LINGO2: variants seen among roughly 807,000 people sequenced by gnomAD.
LINGO2 encodes leucine-rich repeat and immunoglobulin-like domain-containing nogo receptor-interacting protein 2.
LINGO2 carries 14 observed loss-of-function variants against 30.6 expected under a neutral mutation model. That is an observed-to-expected ratio of 0.46 (90% CI 0.30 to 0.72). LINGO2 has a LOEUF of 0.72. LINGO2 is among the 30% of genes least tolerant of loss of function. The pLI is 0.07. For synonymous variants in LINGO2, 317 were observed against 288.5 expected (o/e 1.10, Z -1.00); for missense variants, 729 against 751.7 (o/e 0.97, Z 0.35).
At chr9:28,168,152 G>A (rs929039454) in intron 4 of LINGO2, among the ~76,000 whole-genome samples, 4 of 152,208 alleles carry the variant, frequency 2.6e-5, no homozygotes, top group African/African-American at 9.6e-5. Flanking sequence ...TTTGAGCAGG[G>A]AGTGTGGTGA....
At chr9:28,727,328 C>T in the LINGO2 span, among the ~76,000 whole-genome samples, 1 of 151,958 alleles carries the variant, frequency 6.6e-6, no homozygotes, top group East Asian at 1.9e-4. Flanking sequence ...CTCTGTCTCC[C>T]AGGCTGGAAT....
the LINGO2 span, among the ~76,000 whole-genome samples, chr9:28,920,355 C>T: frequency 1.3e-5 from 2 of 151,830 alleles, no homozygotes; most frequent in Non-Finnish European, 2.9e-5. Flanking sequence ...ATTAATATAA[C>T]TGGATTTCCT....
At position 27,958,925 on chromosome 9, in the gene LINGO2, TTC is replaced by T. The variant is rs1414641700; in HGVS notation, c.-35-8221_-35-8220del. On this transcript the variant is annotated intron_variant, in intron 5 of 5. Transcript: ENST00000379992. ...TGCGAATCCAAACAGACCCTAGAATTTCTGTGTTTGAATGCTGTAAAATACAA... is the reference window on the plus strand; with the variant it reads ...TGCGAATCCAAACAGACCCTAGAATTTGTGTTTGAATGCTGTAAAATACAA... Among the ~76,000 whole-genome samples, 22 of 152,290 alleles carry T rather than the reference TTC, an allele frequency of 1.4e-4. 1 individual carries two copies. The South Asian group carries it at 4.6e-3, about 32-fold the overall frequency.
At chr9:28,101,124 C>A (rs980553611) in intron 4 of LINGO2, among the ~76,000 whole-genome samples, 3 of 151,684 alleles carry the variant, frequency 2.0e-5, no homozygotes, top group Non-Finnish European at 2.9e-5. Flanking sequence ...TTATGGGAGG[C>A]ATTGTGAAAC....
At chr9:28,690,634 T>C in the LINGO2 span, among the ~76,000 whole-genome samples, 1 of 152,246 alleles carries the variant, frequency 6.6e-6, no homozygotes, top group South Asian at 2.1e-4. Flanking sequence ...ATCAAAACAA[T>C]AAAACACATG....
chr9:27,939,393 G>GC, the LINGO2 span: 1 of 152,198 alleles, frequency 6.6e-6, no homozygotes, highest in Non-Finnish European at 1.5e-5. Flanking sequence ...GTTAAAGCCA[G>GC]CAACTTTCTT....
chr9:28,264,973 G>A (rs1033270675), intron 4 of LINGO2, among the ~76,000 whole-genome samples: 3 of 151,840 alleles, frequency 2.0e-5, no homozygotes, highest in Non-Finnish European at 4.4e-5. Flanking sequence ...CCTCAAGGCT[G>A]CAGCATCAAC....
intron 1 of LINGO2, among the ~76,000 whole-genome samples, chr9:28,617,367 A>G (rs530273170): frequency 6.6e-6 from 1 of 150,656 alleles, no homozygotes; most frequent in Non-Finnish European, 1.5e-5. Context: ...GCGATCTCGG[A>G]TCACTGCAAC....
rs575900057 is a variant in LINGO2, at chr9:28,329,287, G to A, written c.-245-33921C>T. Reference sequence around the variant, plus strand: ...TCTCTCCATTTCTAGTCATAATTCTGTCCCATGGCACAAAGCAGAGCTTCT... The same window carrying A: ...TCTCTCCATTTCTAGTCATAATTCTATCCCATGGCACAAAGCAGAGCTTCT... On this transcript the variant is annotated intron_variant, in intron 3 of 5. Coordinates refer to ENST00000379992, the Ensembl canonical transcript of LINGO2. The surrounding 1 kb of genome is among the most constrained non-coding windows in gnomAD (Gnocchi z 4.5). Among the ~76,000 whole-genome samples, 1 of 152,014 alleles carries A rather than the reference G, an allele frequency of 6.6e-6. No homozygotes were observed. The highest frequency in any genetic ancestry group is 2.1e-4 in the South Asian group (1 of 4,826).
intron 1 of LINGO2, among the ~76,000 whole-genome samples, chr9:28,583,832 A>G (rs1217587503): frequency 6.6e-6 from 1 of 152,050 alleles, no homozygotes; most frequent in Non-Finnish European, 1.5e-5. Context: ...TTAATCCCCA[A>G]TGCAGCAGTA....
chr9:28,110,766 G>C (rs1210390070), intron 4 of LINGO2, among the ~76,000 whole-genome samples: 1 of 152,178 alleles, frequency 6.6e-6, no homozygotes, highest in Non-Finnish European at 1.5e-5. Flanking sequence ...GGAGAAATAA[G>C]AATGTTTTTA....
intron 3 of LINGO2, among the ~76,000 whole-genome samples, chr9:28,359,997 C>A (rs1820377532): frequency 6.6e-6 from 1 of 152,136 alleles, no homozygotes. Flanking sequence ...AGGTTAATTA[C>A]TTAATCTCTT....
At chr9:28,773,221 C>G in the LINGO2 span, among the ~76,000 whole-genome samples, 2 of 151,740 alleles carry the variant, frequency 1.3e-5, no homozygotes, top group African/African-American at 4.8e-5. Flanking sequence ...AAAAATTAGC[C>G]GGGTGTAGTG....
At chr9:29,069,582 CT>C in the LINGO2 span, among the ~76,000 whole-genome samples, 1 of 151,968 alleles carries the variant, frequency 6.6e-6, no homozygotes, top group African/African-American at 2.4e-5. Context: ...GTCTAGGGTG[CT>C]GTAGAAACAT....
intron 3 of LINGO2, among the ~76,000 whole-genome samples, chr9:28,336,877 T>A (rs1387493423): frequency 6.6e-6 from 1 of 151,962 alleles, no homozygotes; most frequent in Non-Finnish European, 1.5e-5. Flanking sequence ...AATAAAAATT[T>A]GAATATTTAA....
chr9:27,961,305 C>T (rs1050436039), intron 5 of LINGO2, among the ~76,000 whole-genome samples: 1 of 152,172 alleles, frequency 6.6e-6, no homozygotes, highest in African/African-American at 2.4e-5. Flanking sequence ...GTCTGTATAT[C>T]TTCATCGCAG....
intron 4 of LINGO2, among the ~76,000 whole-genome samples, chr9:28,145,885 C>A (rs557581348): frequency 6.6e-6 from 1 of 152,238 alleles, no homozygotes; most frequent in African/African-American, 2.4e-5. Context: ...GATCGAAATT[C>A]TTCCCCTTAA....
chr9:28,330,627 A>T (rs1825384584), intron 3 of LINGO2, among the ~76,000 whole-genome samples: 1 of 152,156 alleles, frequency 6.6e-6, no homozygotes, highest in Admixed American at 6.6e-5. Context: ...GCTCTGAAAC[A>T]CTTGATTCAC....
At chr9:28,051,113 C>T (rs527393656) in intron 4 of LINGO2, among the ~76,000 whole-genome samples, 1 of 150,966 alleles carries the variant, frequency 6.6e-6, no homozygotes, top group African/African-American at 2.4e-5. Flanking sequence ...ACACAGGATG[C>T]TATGTGAAAA....
Sources: allele counts gnomAD v4.1 joint callset (sites outside exome capture counted in the v4.1 genomes callset), GRCh38; gene constraint gnomAD v4.1.1; non-coding constraint Gnocchi (gnomAD v3.1); transcripts MANE v1.5; gene names NCBI Gene and HGNC (gene_info 2026-07-23, HGNC 2026-07-21).